The following HID1 variants were observed in gnomAD, a reference collection of about 807,000 sequenced individuals.
The protein encoded by HID1 is protein HID1.
A neutral mutation model predicts 89.7 loss-of-function variants in HID1; 42 were observed. The ratio of observed to expected loss-of-function variants is 0.47; its 90% CI spans 0.37 to 0.61. The LOEUF (loss-of-function observed/expected upper bound fraction) is 0.61, where lower values mean the gene tolerates loss of function less well. Ranked by LOEUF, HID1 falls within the 20% of genes least tolerant of loss-of-function variation. HID1 has a pLI of 0.00. For missense variants in HID1, 854 were observed against 1,039.3 expected, an observed-to-expected ratio of 0.82 and a Z score of 2.45; for synonymous variants, 442 against 433.8, an observed-to-expected ratio of 1.02 and a Z score of -0.24.
At position 74,972,161 on chromosome 17, in the gene HID1, A is replaced by G. The variant is rs1408977652; in HGVS notation, c.66+430T>C. Among the ~76,000 whole-genome samples the G allele has an allele frequency of 6.8e-6, 1 of 146,354 alleles. No homozygotes were observed. The highest frequency in any genetic ancestry group is 1.5e-5 in the Non-Finnish European group (1 of 66,356). ...CGGACGCCAGCCAGGCTTTGTTTGCATTGAGTCAACAGGGACTGTGCGTCC... is the reference window on the plus strand; with the variant it reads ...CGGACGCCAGCCAGGCTTTGTTTGCGTTGAGTCAACAGGGACTGTGCGTCC... On this transcript the variant is annotated intron_variant, in intron 1 of 18. Coordinates refer to ENST00000425042, the MANE Select transcript of HID1 (RefSeq NM_030630.3). This position sits in a 1 kb window ranked among gnomAD's most constrained non-coding sequence, Gnocchi z 6.4.
intron 6 of HID1, 152 bp from the exon 7 acceptor site, chr17:74,960,400 C>T: frequency 1.5e-6 from 1 of 677,320 alleles, no homozygotes; most frequent in East Asian, 2.7e-5. Context: ...TGTGGGAAGC[C>T]CAGAGCCATG....
intron 2 of HID1, chr17:74,964,152 C>G: frequency 3.3e-6 from 2 of 597,680 alleles, no homozygotes; most frequent in East Asian, 5.6e-5. Context: ...CAGCTAGCCA[C>G]TGGATGGCTG....
At chr17:74,957,876 G>C (rs987920852) in intron 12 of HID1, 9 of 444,596 alleles carry the variant, frequency 2.0e-5, no homozygotes, top group South Asian at 2.3e-5. Flanking sequence ...CTCCAGCCTG[G>C]GCGACAAGAC....
chr17:74,954,337 G>T lies in HID1; in HGVS notation c.1665C>A (p.Ile555=). 6.3e-7 allele frequency: 1 copy of T among 1,577,156 alleles called. No individual in the cohort carries two copies. Among genetic ancestry groups the T allele is most frequent in the South Asian group, 1.2e-5 (1 of 85,930 alleles). Residue 555 remains isoleucine, a synonymous_variant, in exon 14 of 19, where the codon ATC becomes ATA. Transcript: ENST00000425042. The part of the protein sequence containing the change: ...DGNSNLVYAI[I]RKRSIFHQLA... ...GCTGGTGGAAGATGCTGCGCTTGCG[G>T]ATGATGGCGTAGACCAGGTTGGAGT...
chr17:74,967,475 G>A (rs2039579925), intron 1 of HID1, among the ~76,000 whole-genome samples: 1 of 151,712 alleles, frequency 6.6e-6, no homozygotes, highest in African/African-American at 2.4e-5. Flanking sequence ...GGAGGCGGAG[G>A]TTGCAGTGAG....
chr17:74,966,678 G>T (rs1403923392), intron 1 of HID1, among the ~76,000 whole-genome samples: 1 of 152,130 alleles, frequency 6.6e-6, no homozygotes, highest in Non-Finnish European at 1.5e-5. Flanking sequence ...GGCCGGGCGT[G>T]GTGGCTCATG....
chr17:74,964,378 A>G, intron 2 of HID1, 105 bp downstream of exon 2: 2 of 1,292,526 alleles, frequency 1.5e-6, no homozygotes, highest in South Asian at 2.9e-5. Context: ...GTGAGGCCAC[A>G]GGGCTGCCTG....
Position 74,963,553 on chromosome 17 carries a change from C to T in HID1, c.387+187G>A. On this transcript the variant is annotated intron_variant, in intron 3 of 18. Coordinates refer to ENST00000425042, the MANE Select transcript of HID1 (RefSeq NM_030630.3). ...CTCCAGACTGTGGGCACAGAAACCC[C>T]CATGGGAGGGGAACTGAGGGCCCAA... is the stretch of plus-strand genomic sequence containing the variant. 5 of 621,744 alleles carry T rather than the reference C, an allele frequency of 8.0e-6. 1 individual carries two copies. In the South Asian group the frequency reaches 8.1e-5, roughly 10 times the overall value. The allele number at this position is 621,744 out of a possible 1,614,324, so 38.5% of individuals were successfully genotyped here.
Position 74,959,175 on chromosome 17 carries a change from G to C in HID1, c.1009-124C>G. On this transcript the variant is annotated intron_variant, in intron 8 of 18. Transcript: ENST00000425042. This position sits in a 1 kb window ranked among gnomAD's most constrained non-coding sequence, Gnocchi z 4.6. ...GAGCCAGATCCCACCTCCAGAGCCA[G>C]AGGGCCCAGATGCTATCACCCATAG... The C allele has an allele frequency of 8.7e-7, 1 of 1,149,554 alleles. No homozygotes were observed. The highest frequency in any genetic ancestry group is 1.2e-6 in the Non-Finnish European group (1 of 846,180). The allele number at this position is 1,149,554 out of a possible 1,614,324, so 71.2% of individuals were successfully genotyped here. A position where few individuals can be genotyped will look rare whatever the true frequency, so the allele number is the denominator to read the frequency against.
intron 13 of HID1, chr17:74,954,724 C>T: frequency 6.6e-6 from 2 of 303,938 alleles, no homozygotes; most frequent in South Asian, 3.1e-5. Context: ...CTCTTCCCAC[C>T]TCCCCTCGAG....
Position 74,969,206 on chromosome 17 carries a change from C to G in HID1, c.66+3385G>C, listed in dbSNP as rs149072116. Reference sequence around the variant, plus strand: ...CTTCTAATATCTGATCTTTTTTTTTCTTTTTTGAGACCGAGTCTTGCTCTG... The same window carrying G: ...CTTCTAATATCTGATCTTTTTTTTTGTTTTTTGAGACCGAGTCTTGCTCTG... On this transcript the variant is annotated intron_variant, in intron 1 of 18. Coordinates refer to ENST00000425042, the MANE Select transcript of HID1 (RefSeq NM_030630.3). Among the ~76,000 whole-genome samples, 17 of 151,336 alleles carry G rather than the reference C, an allele frequency of 1.1e-4. No individual in the cohort carries two copies. The East Asian group carries it at 3.3e-3, about 29-fold the overall frequency.
At position 74,972,460 on chromosome 17, in the gene HID1, G is replaced by C; in HGVS notation, c.66+131C>G. On this transcript the variant is annotated intron_variant, in intron 1 of 18. Coordinates refer to ENST00000425042, the MANE Select transcript of HID1 (RefSeq NM_030630.3). The surrounding 1 kb of genome is among the most constrained non-coding windows in gnomAD (Gnocchi z 6.4). ...ACAGGCCGCGGGGTCCCGTTCCGGC[G>C]CTGGCCTTGGCGTTACGCTCGGGGC... 1.2e-6 allele frequency: 1 copy of C among 845,892 alleles called. No individual in the cohort carries two copies. Among genetic ancestry groups the C allele is most frequent in the South Asian group, 1.7e-5 (1 of 57,802 alleles). 52.4% of individuals were successfully genotyped at this position (845,892 alleles called of 1,614,324 possible). A position where few individuals can be genotyped will look rare whatever the true frequency, so the allele number is the denominator to read the frequency against.
At position 74,958,106 on chromosome 17, in the gene HID1, G is replaced by A; in HGVS notation, c.1471+35C>T. 6.4e-7 allele frequency: 1 copy of A among 1,564,774 alleles called. No homozygotes were observed. Among genetic ancestry groups the A allele is most frequent in the Non-Finnish European group, 8.7e-7 (1 of 1,155,398 alleles). On this transcript the variant is annotated intron_variant, in intron 12 of 18. Transcript: ENST00000425042. The surrounding 1 kb of genome is among the most constrained non-coding windows in gnomAD (Gnocchi z 5.2). ...GGCCTGTGGCCTGACACCACCTGGT[G>A]GTGAGCGCGGGGAGTGCAAGCTCCG...
chr17:74,966,453 A>C (rs2039565275), intron 1 of HID1, among the ~76,000 whole-genome samples: 1 of 152,034 alleles, frequency 6.6e-6, no homozygotes, highest in South Asian at 2.1e-4. Context: ...TGTCCAAGGC[A>C]CGCGCACCTC....
chr17:74,967,404 G>A (rs1417906050), intron 1 of HID1, among the ~76,000 whole-genome samples: 5 of 151,666 alleles, frequency 3.3e-5, no homozygotes, highest in African/African-American at 1.2e-4. Flanking sequence ...CAGGCATGGT[G>A]GCACATGCCT....
At chr17:74,964,256 T>G in intron 2 of HID1, 1 of 602,972 alleles carries the variant, frequency 1.7e-6, no homozygotes, top group East Asian at 2.8e-5. Flanking sequence ...CTAAATGAAC[T>G]GATCTGTGGA....
rs199957036 is a variant in HID1 at position 74,959,958 on chromosome 17, T to C, written c.952-21A>G. On this transcript the variant is annotated intron_variant, in intron 7 of 18. Transcript: ENST00000425042. This position sits in a 1 kb window ranked among gnomAD's most constrained non-coding sequence, Gnocchi z 4.6. ...GGAGGCTGCCAAGAGGAGAAGCCCC[T>C]GGTGAGCAGGCGTCCTCCCCACAAC... 9.7e-5 allele frequency: 157 copies of C among 1,613,642 alleles called. No individual in the cohort carries two copies. The East Asian group carries it at 3.5e-3, about 36-fold the overall frequency.
Position 74,958,112 on chromosome 17 carries a change from C to G in HID1, c.1471+29G>C. The stretch of plus-strand genomic sequence containing the variant: ...TGGCCTGACACCACCTGGTGGTGAG[C>G]GCGGGGAGTGCAAGCTCCGGGCCCC... On this transcript the variant is annotated intron_variant, in intron 12 of 18. Transcript: ENST00000425042. The surrounding 1 kb of genome is among the most constrained non-coding windows in gnomAD (Gnocchi z 5.2). 1 of 1,571,952 alleles carries G rather than the reference C, an allele frequency of 6.4e-7. No homozygotes were observed. The highest frequency in any genetic ancestry group is 1.8e-5 in the Admixed American group (1 of 54,100).
chr17:74,953,221 G>C (rs952595162), intron 15 of HID1, 135 bp from the exon 16 acceptor site: 48 of 790,730 alleles, frequency 6.1e-5, no homozygotes, highest in Non-Finnish European at 8.5e-5. Context: ...CTTTGCCCCA[G>C]GCCCTAGGCC....
Sources: gnomAD v4.1 joint callset for allele counts (sites outside exome capture counted in the v4.1 genomes callset) on GRCh38, gnomAD v4.1.1 for gene constraint, Gnocchi (gnomAD v3.1) non-coding constraint, MANE v1.5 for transcripts, NCBI Gene and HGNC (gene_info 2026-07-23, HGNC 2026-07-21) for gene names.